ZNF765: variants seen among roughly 807,000 people sequenced by gnomAD.
ZNF765 encodes zinc finger protein 765.
ZNF765 carries 37 observed loss-of-function variants against 44.7 expected under a neutral mutation model. That is an observed-to-expected ratio of 0.83 (90% CI 0.64 to 1.09). The LOEUF (loss-of-function observed/expected upper bound fraction) is 1.09, where lower values mean the gene tolerates loss of function less well. Ranked by LOEUF, ZNF765 falls within the 50% of genes least tolerant of loss-of-function variation. The pLI is 0.00. For missense variants in ZNF765, 594 were observed against 626.1 expected (o/e 0.95, Z 0.55); for synonymous variants, 201 against 213.7 (o/e 0.94, Z 0.52).
intron 3 of ZNF765, among the ~76,000 whole-genome samples, chr19:53,420,073 C>G (rs1334403394): frequency 1.3e-5 from 2 of 151,418 alleles, no homozygotes; most frequent in Non-Finnish European, 1.5e-5. Context: ...GTGGCTCATG[C>G]CTGTAATCCC....
At chr19:53,419,454 A>T (rs939971883) in intron 3 of ZNF765, among the ~76,000 whole-genome samples, 2 of 152,026 alleles carry the variant, frequency 1.3e-5, no homozygotes, top group African/African-American at 4.8e-5. Context: ...TTATGGTGAG[A>T]CTCTTTTCAG....
At chr19:53,415,464 G>A (rs1457607424), downstream of ZNF765, among the ~76,000 whole-genome samples, 3 of 152,130 alleles carry the variant, frequency 2.0e-5, no homozygotes, top group Non-Finnish European at 4.4e-5. Flanking sequence ...ATGAAATTGT[G>A]TAGGCAGAAG....
At position 53,410,191 on chromosome 19, in the gene ZNF765, A is replaced by T. The variant is rs1462492448; in HGVS notation, c.*1064A>T. ...ACCTTAGCAGTGTAATGAACGTGGCAAGGTTTTAAATCAAAAAGCAAAGCT... is the reference window on the plus strand; with the variant it reads ...ACCTTAGCAGTGTAATGAACGTGGCTAGGTTTTAAATCAAAAAGCAAAGCT... On this transcript the variant is annotated 3_prime_UTR_variant, in exon 4 of 4. Transcript: ENST00000396408. The T allele has an allele frequency of 2.7e-6, 1 of 375,036 alleles. No homozygotes were observed. The highest frequency in any genetic ancestry group is 5.4e-6 in the Non-Finnish European group (1 of 184,236). 23.2% of individuals were successfully genotyped at this position (375,036 alleles called of 1,614,324 possible). A position where few individuals can be genotyped will look rare whatever the true frequency, so the allele number is the denominator to read the frequency against.
At chr19:53,413,609 T>G (rs2085849937), downstream of ZNF765, among the ~76,000 whole-genome samples, 1 of 150,896 alleles carries the variant, frequency 6.6e-6, no homozygotes, top group South Asian at 2.1e-4. Flanking sequence ...GGTTTTTTTT[T>G]TTTTTTTTTT....
Position 53,408,614 on chromosome 19 carries a change from A to G in ZNF765, c.1059A>G (p.Lys353=), listed in dbSNP as rs748940461. 1.5e-5 allele frequency: 24 copies of G among 1,613,790 alleles called. No homozygotes were observed. Among genetic ancestry groups the G allele is most frequent in the African/African-American group, 4.0e-5 (3 of 74,906 alleles). The change falls in exon 4 of 4, where the codon AAA becomes AAG. Residue 353 remains lysine (K), a synonymous_variant. Transcript: ENST00000396408. ...TCHRRLHTGE[K]PYKCNECGKT... ...ATCGTAGGCTTCATACTGGAGAGAA[A>G]CCTTACAAGTGTAATGAGTGTGGCA...
Position 53,408,289 on chromosome 19 carries a change from G to GC in ZNF765, c.735dup (p.Asp246ArgfsTer8), listed in dbSNP as rs747618614. On this transcript the variant is annotated frameshift_variant, in exon 4 of 4. Transcript: ENST00000396408. LOFTEE classifies it high-confidence loss of function. ...CATTTAGGAGAGAAACAATATAAAT[G>GC]CGATATATGTGGCAAGGTCTTTAAT... 4 of 1,614,192 alleles carry GC rather than the reference G, an allele frequency of 2.5e-6. No individual in the cohort carries two copies. In the Admixed American group the frequency reaches 6.7e-5, roughly 27 times the overall value.
exon 4 of ZNF765, chr19:53,424,686 G>T (rs1270642982): frequency 7.4e-6 from 1 of 134,504 alleles, no homozygotes; most frequent in Non-Finnish European, 1.6e-5. Context: ...TTTTTGAGAC[G>T]GAGTTTCATT....
At chr19:53,395,346 G>C (rs950342645) in intron 1 of ZNF765, among the ~76,000 whole-genome samples, 153 bp downstream of exon 1, 1 of 152,188 alleles carries the variant, frequency 6.6e-6, no homozygotes, top group Non-Finnish European at 1.5e-5. Context: ...TCCGGGGGTC[G>C]CTTCCTTTTG....
intron 3 of ZNF765, among the ~76,000 whole-genome samples, chr19:53,420,191 G>A (rs1016707954): frequency 6.6e-6 from 1 of 151,956 alleles, no homozygotes; most frequent in African/African-American, 2.4e-5. Context: ...AATTAGCTTG[G>A]CGTGGTGGCG....
exon 4 of ZNF765, chr19:53,425,824 G>C (rs1353290902): frequency 1.3e-5 from 2 of 152,306 alleles, no homozygotes; most frequent in Admixed American, 1.3e-4. Flanking sequence ...CACAGGCCGG[G>C]CGTGGTGGCT....
At position 53,408,892 on chromosome 19, in the gene ZNF765, C is replaced by T; in HGVS notation, c.1337C>T (p.Ala446Val). The T allele has an allele frequency of 6.2e-7, 1 of 1,613,474 alleles. No individual in the cohort carries two copies. The part of the protein sequence containing the change: ...KPYKCEECDK[A>V]YSFKSNLEIH... ...TACAAATGTGAAGAATGTGACAAAG[C>T]CTACAGTTTCAAATCAAACCTTGAA... The change falls in exon 4 of 4, where the codon GCC becomes GTC. Residue 446 changes from alanine (A) to valine (V), a missense_variant. By Grantham distance (64) the Ala-to-Val change is moderately conservative. Around this residue, in one of 2 missense-constraint regions of ZNF765, gnomAD observed 567 missense variants for 572.6 expected, o/e 0.99. Transcript: ENST00000396408.
Position 53,410,404 on chromosome 19 carries a change from A to G in ZNF765, c.*1277A>G, listed in dbSNP as rs967079960. ...CCTTGAAAGACACAGGAGAATTCCT[A>G]CTGGAGAGATAGCATAAAAATGTAA... On this transcript the variant is annotated 3_prime_UTR_variant, in exon 4 of 4. Transcript: ENST00000396408. 2.4e-5 allele frequency: 8 copies of G among 335,854 alleles called. No individual in the cohort carries two copies. Among genetic ancestry groups the G allele is most frequent in the African/African-American group, 1.7e-4 (8 of 45,864 alleles). 20.8% of individuals were successfully genotyped at this position (335,854 alleles called of 1,614,324 possible). A position where few individuals can be genotyped will look rare whatever the true frequency, so the allele number is the denominator to read the frequency against.
At chr19:53,399,484 G>GA (rs1197522150) in intron 2 of ZNF765, among the ~76,000 whole-genome samples, 1 of 151,188 alleles carries the variant, frequency 6.6e-6, no homozygotes, top group Non-Finnish European at 1.5e-5. Flanking sequence ...TGAGACTTTA[G>GA]AAAAAATTAT....
downstream of ZNF765, among the ~76,000 whole-genome samples, chr19:53,415,553 G>A (rs960940066): frequency 8.8e-5 from 11 of 125,508 alleles, no homozygotes; most frequent in East Asian, 1.8e-3. Context: ...ATTTTATTAC[G>A]TTTGTTGAGG....
At chr19:53,401,152 C>T (rs2085721842) in intron 2 of ZNF765, among the ~76,000 whole-genome samples, 1 of 152,102 alleles carries the variant, frequency 6.6e-6, no homozygotes, top group African/African-American at 2.4e-5. Context: ...AGGCATGTGC[C>T]ACTGCACCCA....
At chr19:53,414,616 T>C (rs1033068981), downstream of ZNF765, among the ~76,000 whole-genome samples, 1 of 150,850 alleles carries the variant, frequency 6.6e-6, no homozygotes, top group East Asian at 2.0e-4. Context: ...TTTCTGGCCT[T>C]CTACGGGATG....
intron 3 of ZNF765, among the ~76,000 whole-genome samples, chr19:53,405,948 T>TATATATAA (rs1555832274): frequency 3.2e-5 from 4 of 123,584 alleles, no homozygotes; most frequent in Non-Finnish European, 6.9e-5. Flanking sequence ...TATATATATA[T>TATATATAA]ATAAAATTGC....
intron 1 of ZNF765, among the ~76,000 whole-genome samples, chr19:53,396,955 A>G (rs191489953): frequency 6.6e-6 from 1 of 152,390 alleles, no homozygotes; most frequent in East Asian, 1.9e-4. Context: ...AATTGCTTCT[A>G]TAGTTGATTG....
In ZNF765 at chr19:53,408,263, C is replaced by A; in HGVS notation, c.708C>A (p.Ile236=). 1 of 1,614,206 alleles carries A rather than the reference C, an allele frequency of 6.2e-7. No homozygotes were observed. Among genetic ancestry groups the A allele is most frequent in the Non-Finnish European group, 8.5e-7 (1 of 1,180,046 alleles). ...CSSLLRKHQL[I]HLGEKQYKCD... ...CACTCTTAAGGAAACATCAGTTAAT[C>A]CATTTAGGAGAGAAACAATATAAAT... Residue 236 remains isoleucine (I), a synonymous_variant, in exon 4 of 4, where the codon ATC becomes ATA. Coordinates refer to ENST00000396408, the MANE Select transcript of ZNF765 (RefSeq NM_001040185.3).
Sources: gnomAD v4.1 joint callset for allele counts (sites outside exome capture counted in the v4.1 genomes callset) on GRCh38, gnomAD v4.1.1 for gene constraint, gnomAD v4.1.1 regional missense constraint, MANE v1.5 for transcripts, NCBI Gene and HGNC (gene_info 2026-07-23, HGNC 2026-07-21) for gene names.